DCC: variants seen among roughly 807,000 people sequenced by gnomAD.
DCC encodes DCC netrin 1 receptor.
In DCC, 58 loss-of-function variants were observed where a neutral mutation model predicts 172.5. That is an observed-to-expected ratio of 0.34 (90% confidence interval 0.27 to 0.42). The LOEUF is 0.42. Ranked by LOEUF, DCC falls within the 10% of genes least tolerant of loss-of-function variation. The pLI is 1.00. For synonymous variants in DCC, 709 were observed against 644.5 expected (o/e 1.10, Z -1.52); for missense variants, 1,740 against 1,791.0 (o/e 0.97, Z 0.51).
At chr18:52,372,647 T>C (rs1985172528) in intron 1 of DCC, among the ~76,000 whole-genome samples, 1 of 152,210 alleles carries the variant, frequency 6.6e-6, no homozygotes, top group African/African-American at 2.4e-5. Flanking sequence ...ACCATGCATT[T>C]GTATGATTTA....
chr18:52,485,723 A>G (rs905724782), intron 1 of DCC, among the ~76,000 whole-genome samples: 2 of 152,164 alleles, frequency 1.3e-5, no homozygotes, highest in Admixed American at 1.3e-4. Context: ...GTGTTAACAA[A>G]TAACTAGAGT....
intron 1 of DCC, among the ~76,000 whole-genome samples, chr18:52,497,616 G>T (rs1333137087): frequency 6.6e-6 from 1 of 151,910 alleles, no homozygotes; most frequent in Non-Finnish European, 1.5e-5. Flanking sequence ...ATTTTAGGAT[G>T]AATCCCAAGA....
chr18:52,531,906 A>T (rs1349062260), intron 1 of DCC, among the ~76,000 whole-genome samples: 1 of 152,208 alleles, frequency 6.6e-6, no homozygotes, highest in African/African-American at 2.4e-5. Flanking sequence ...ACAAAAAAAG[A>T]TGAAGAGAAG....
intron 5 of DCC, among the ~76,000 whole-genome samples, chr18:53,044,780 G>A (rs1409860199): frequency 2.6e-5 from 4 of 151,708 alleles, no homozygotes; most frequent in African/African-American, 9.7e-5. Context: ...CAGAAAATTT[G>A]TACCAGCTTT....
intron 7 of DCC, among the ~76,000 whole-genome samples, chr18:53,072,689 C>T (rs564569709): frequency 6.6e-6 from 1 of 152,266 alleles, no homozygotes; most frequent in South Asian, 2.1e-4. Context: ...TGGGAAAAAT[C>T]CATATAATCA....
intron 10 of DCC, among the ~76,000 whole-genome samples, chr18:53,207,039 A>G (rs2055662394): frequency 6.6e-6 from 1 of 151,858 alleles, no homozygotes. Context: ...TTTCTGTTTT[A>G]TCTGCCTTTC....
chr18:53,015,877 T>A (rs2041801680), intron 5 of DCC, among the ~76,000 whole-genome samples: 1 of 152,108 alleles, frequency 6.6e-6, no homozygotes, highest in African/African-American at 2.4e-5. Flanking sequence ...ATTAATATAT[T>A]TTTCAAAAGC....
intron 7 of DCC, among the ~76,000 whole-genome samples, chr18:53,111,923 TC>T (rs2043338777): frequency 1.3e-5 from 2 of 151,624 alleles, no homozygotes; most frequent in African/African-American, 4.8e-5. Flanking sequence ...GTCTCACTGA[TC>T]TACCAGGAAA....
chr18:53,455,274 C>A (rs376071708), intron 23 of DCC, among the ~76,000 whole-genome samples: 3 of 152,268 alleles, frequency 2.0e-5, no homozygotes, highest in East Asian at 1.9e-4. Context: ...AAGTTGGGAA[C>A]AACTTTAGCA....
At chr18:53,445,162 G>A (rs1422815408) in intron 22 of DCC, among the ~76,000 whole-genome samples, 1 of 152,154 alleles carries the variant, frequency 6.6e-6, no homozygotes, top group Admixed American at 6.6e-5. Context: ...TCTGTGAGTT[G>A]TCTTCCAGCT....
At chr18:53,276,934 A>G (rs2056813074) in intron 12 of DCC, among the ~76,000 whole-genome samples, 1 of 152,136 alleles carries the variant, frequency 6.6e-6, no homozygotes, top group Admixed American at 6.6e-5. Context: ...AGCCATGGGA[A>G]ATAATTTAAA....
intron 5 of DCC, among the ~76,000 whole-genome samples, chr18:52,951,303 A>G (rs1233879493): frequency 6.6e-6 from 1 of 152,162 alleles, no homozygotes; most frequent in Non-Finnish European, 1.5e-5. Context: ...TCTGGAATGC[A>G]TGTGCAGAAT....
intron 2 of DCC, among the ~76,000 whole-genome samples, chr18:52,856,715 ATCTT>A (rs2145352683): frequency 6.6e-6 from 1 of 152,188 alleles, no homozygotes; most frequent in South Asian, 2.1e-4. Context: ...TCATAATGGA[ATCTT>A]TATATTCTTG....
intron 1 of DCC, among the ~76,000 whole-genome samples, chr18:52,586,752 C>T (rs1227884973): frequency 1.3e-5 from 2 of 152,178 alleles, no homozygotes. Flanking sequence ...TGATTCAGAG[C>T]ATACATGGCC....
intron 1 of DCC, among the ~76,000 whole-genome samples, chr18:52,682,983 AG>A (rs2035773789): frequency 6.6e-6 from 1 of 152,124 alleles, no homozygotes; most frequent in African/African-American, 2.4e-5. Flanking sequence ...GAGTAGAAAC[AG>A]GAAACCATTG....
intron 7 of DCC, among the ~76,000 whole-genome samples, chr18:53,140,305 C>T (rs1475241892): frequency 2.6e-5 from 4 of 152,120 alleles, no homozygotes; most frequent in Non-Finnish European, 4.4e-5. Flanking sequence ...CTGCATGGCT[C>T]AGTGTCAACT....
intron 5 of DCC, among the ~76,000 whole-genome samples, chr18:52,928,211 A>C (rs1456727993): frequency 6.6e-6 from 1 of 152,144 alleles, no homozygotes; most frequent in Non-Finnish European, 1.5e-5. Context: ...CATTGAGTAC[A>C]CATGGACACA....
intron 1 of DCC, among the ~76,000 whole-genome samples, chr18:52,751,786 G>T (rs1010833733): frequency 5.9e-5 from 9 of 151,898 alleles, no homozygotes; most frequent in Non-Finnish European, 1.2e-4. Flanking sequence ...ACTGATATGT[G>T]GTAATAAGCA....
chr18:53,204,603 T>C (rs1048245608), intron 9 of DCC, among the ~76,000 whole-genome samples: 1 of 151,976 alleles, frequency 6.6e-6, no homozygotes, highest in South Asian at 2.1e-4. Flanking sequence ...TGCTGTCTAA[T>C]TTCATTAGCA....
Sources: gnomAD v4.1 joint callset for allele counts (sites outside exome capture counted in the v4.1 genomes callset) on GRCh38, gnomAD v4.1.1 for gene constraint, MANE v1.5 for transcripts, NCBI Gene and HGNC (gene_info 2026-07-23, HGNC 2026-07-21) for gene names.